BARX2: variants seen among roughly 807,000 people sequenced by gnomAD.
BARX2 encodes BARX homeobox 2, also known as homeobox protein BarH-like 2.
A neutral mutation model predicts 25.5 loss-of-function variants in BARX2; 11 were observed. The ratio of observed to expected loss-of-function variants is 0.43; its 90% CI spans 0.27 to 0.71. The LOEUF is 0.71. Among genes scored for constraint, BARX2 ranks in the 30% least tolerant of loss-of-function variants. The probability of loss-of-function intolerance (pLI) is 0.19; values close to 1 mark genes in which losing one functional copy is unlikely to be tolerated. For missense variants in BARX2, 360 were observed against 359.9 expected, an observed-to-expected ratio of 1.00 and a Z score of 0.00; for synonymous variants, 137 against 149.5, an observed-to-expected ratio of 0.92 and a Z score of 0.61.
chr11:129,376,258 TA>T lies in BARX2; in HGVS notation c.187+37del, dbSNP rs749371840. ...CCGCTAGGGGATAAGTGGGGTTCGGTAGCTTTCACGTCCGTGTAGGTGGCCT... is the reference window on the plus strand; with the variant it reads ...CCGCTAGGGGATAAGTGGGGTTCGGTGCTTTCACGTCCGTGTAGGTGGCCT... On this transcript the variant is annotated intron_variant, in intron 1 of 3. Transcript: ENST00000281437. This position sits in a 1 kb window ranked among gnomAD's most constrained non-coding sequence, Gnocchi z 4.2. 3 of 1,562,684 alleles carry T rather than the reference TA, an allele frequency of 1.9e-6. No individual in the cohort carries two copies. In the South Asian group the frequency reaches 3.5e-5, roughly 18 times the overall value.
chr11:129,417,975 T>C (rs891453429), intron 1 of BARX2, among the ~76,000 whole-genome samples: 13 of 152,222 alleles, frequency 8.5e-5, no homozygotes, highest in African/African-American at 3.1e-4. Flanking sequence ...GAAATAATCT[T>C]GGTAAAATTC....
intron 3 of BARX2, among the ~76,000 whole-genome samples, chr11:129,443,960 C>T (rs1350716696): frequency 3.9e-5 from 6 of 152,146 alleles, no homozygotes; most frequent in Non-Finnish European, 7.3e-5. Context: ...GGCTCTTTCT[C>T]CTCTCGTCCA....
At chr11:129,445,418 G>A (rs898757625) in intron 3 of BARX2, among the ~76,000 whole-genome samples, 1 of 152,242 alleles carries the variant, frequency 6.6e-6, no homozygotes. Context: ...GGGCCAATGC[G>A]TGTGCCTTCG....
At chr11:129,383,657 A>G (rs888164044) in intron 1 of BARX2, among the ~76,000 whole-genome samples, 1 of 152,210 alleles carries the variant, frequency 6.6e-6, no homozygotes, top group Non-Finnish European at 1.5e-5. Context: ...GGCAGAGTGC[A>G]CACAGATGAC....
chr11:129,410,671 C>G (rs193171678), intron 1 of BARX2, among the ~76,000 whole-genome samples: 445 of 152,304 alleles, frequency 2.9e-3, no homozygotes, highest in African/African-American at 0.01. Flanking sequence ...CTATAAACAC[C>G]AGAGCCAGTA....
intron 1 of BARX2, among the ~76,000 whole-genome samples, chr11:129,427,192 C>T (rs939627810): frequency 2.6e-5 from 4 of 152,228 alleles, no homozygotes; most frequent in South Asian, 2.1e-4. Context: ...ACATTAATGC[C>T]GTTAATCCTC....
At chr11:129,386,194 C>A (rs1162146282) in intron 1 of BARX2, among the ~76,000 whole-genome samples, 2 of 152,192 alleles carry the variant, frequency 1.3e-5, no homozygotes, top group Admixed American at 1.3e-4. Context: ...CCCAGTCGTG[C>A]AAGAGAGAGT....
At chr11:129,429,168 G>C (rs918073236) in intron 1 of BARX2, among the ~76,000 whole-genome samples, 1 of 152,104 alleles carries the variant, frequency 6.6e-6, no homozygotes, top group African/African-American at 2.4e-5. Flanking sequence ...TAATCTATAA[G>C]GTTAGTGTAA....
intron 1 of BARX2, among the ~76,000 whole-genome samples, chr11:129,433,012 G>C (rs991756345): frequency 2.0e-5 from 3 of 152,030 alleles, no homozygotes; most frequent in African/African-American, 7.2e-5. Flanking sequence ...GCAATCCCAT[G>C]GTCCAATATG....
intron 1 of BARX2, among the ~76,000 whole-genome samples, chr11:129,382,562 C>T (rs942484672): frequency 2.0e-5 from 3 of 152,180 alleles, no homozygotes; most frequent in African/African-American, 7.2e-5. Flanking sequence ...CTGCCCACGA[C>T]TGTAGTTAGC....
At position 129,436,708 on chromosome 11, in the gene BARX2, A is replaced by G; in HGVS notation, c.188-43A>G. On this transcript the variant is annotated intron_variant, in intron 1 of 3. Coordinates refer to ENST00000281437, the MANE Select transcript of BARX2 (RefSeq NM_003658.5). The surrounding 1 kb of genome is among the most constrained non-coding windows in gnomAD (Gnocchi z 4.5). ...TCCGCAGGTCCTGGCCTGCTTCCCC[A>G]CACCGTTCCCTGTGGTGACCTGCCT... is the stretch of plus-strand genomic sequence containing the variant. The G allele has an allele frequency of 6.6e-7, 1 of 1,526,606 alleles. No homozygotes were observed. Among genetic ancestry groups the G allele is most frequent in the Non-Finnish European group, 8.8e-7 (1 of 1,133,004 alleles). 94.6% of individuals were successfully genotyped at this position (1,526,606 alleles called of 1,614,324 possible).
intron 1 of BARX2, among the ~76,000 whole-genome samples, chr11:129,384,995 G>T (rs529919436): frequency 6.6e-6 from 1 of 152,238 alleles, no homozygotes; most frequent in South Asian, 2.1e-4. Flanking sequence ...AGAAAAATGG[G>T]CAAAGGCTAC....
intron 1 of BARX2, among the ~76,000 whole-genome samples, chr11:129,417,450 G>A (rs988030711): frequency 6.6e-6 from 1 of 152,222 alleles, no homozygotes; most frequent in African/African-American, 2.4e-5. Flanking sequence ...TGGATGGAGA[G>A]TGGTGGGCTT....
intron 3 of BARX2, among the ~76,000 whole-genome samples, chr11:129,446,942 ACC>A (rs888340353): frequency 6.6e-6 from 1 of 152,160 alleles, no homozygotes; most frequent in African/African-American, 2.4e-5. Flanking sequence ...AACAAAGATC[ACC>A]CCCACTAATA....
intron 1 of BARX2, among the ~76,000 whole-genome samples, chr11:129,420,756 C>T (rs1177970474): frequency 3.3e-5 from 5 of 152,158 alleles, no homozygotes; most frequent in Non-Finnish European, 4.4e-5. Flanking sequence ...TCTTTGCACA[C>T]GTATTCAACT....
intron 1 of BARX2, among the ~76,000 whole-genome samples, chr11:129,377,115 A>G (rs1461518739): frequency 6.6e-6 from 1 of 152,206 alleles, no homozygotes; most frequent in Non-Finnish European, 1.5e-5. Context: ...ATCAGAAAAA[A>G]GTTATTGAGT....
intron 1 of BARX2, among the ~76,000 whole-genome samples, chr11:129,381,889 G>T (rs868316160): frequency 7.2e-5 from 11 of 152,152 alleles, no homozygotes; most frequent in African/African-American, 2.7e-4. Context: ...GCATTCCTCC[G>T]AAGGGCTGTA....
In BARX2 at chr11:129,451,611, GGCTGCTTTA is replaced by G. The variant is rs1460044303; in HGVS notation, c.*214_*222del. On this transcript the variant is annotated 3_prime_UTR_variant, in exon 4 of 4. Transcript: ENST00000281437. ...GTCTTGGGCCTGTCACCTCCTGAAA[GGCTGCTTTA>G]GCTGTGGATGCCCTTGATTAAGGGA... The G allele has an allele frequency of 3.2e-6, 2 of 631,798 alleles. No individual in the cohort carries two copies. Among genetic ancestry groups the G allele is most frequent in the Admixed American group, 6.1e-5 (2 of 32,756 alleles). 39.1% of individuals were successfully genotyped at this position (631,798 alleles called of 1,614,324 possible). A position where few individuals can be genotyped will look rare whatever the true frequency, so the allele number is the denominator to read the frequency against.
intron 1 of BARX2, among the ~76,000 whole-genome samples, chr11:129,427,488 G>A (rs1248439156): frequency 1.3e-5 from 2 of 149,714 alleles, no homozygotes; most frequent in East Asian, 1.9e-4. Context: ...TTGTGTGTGC[G>A]TTGTTTATGT....
Sources: gnomAD v4.1 joint callset for allele counts (sites outside exome capture counted in the v4.1 genomes callset) on GRCh38, gnomAD v4.1.1 for gene constraint, Gnocchi (gnomAD v3.1) non-coding constraint, MANE v1.5 for transcripts, NCBI Gene and HGNC (gene_info 2026-07-23, HGNC 2026-07-21) for gene names.